Variants in LHFPL6 observed in about 807,000 individuals in gnomAD.
The protein encoded by LHFPL6 is LHFPL tetraspan subfamily member 6 protein.
In LHFPL6, 9 loss-of-function variants were observed where a neutral mutation model predicts 20.6. The ratio of observed to expected loss-of-function variants is 0.44; its 90% CI spans 0.26 to 0.76. The LOEUF (loss-of-function observed/expected upper bound fraction) is 0.76. Among genes scored for constraint, LHFPL6 ranks in the 30% least tolerant of loss-of-function variants. The pLI is 0.20. For synonymous variants in LHFPL6, 105 were observed against 98.7 expected (o/e 1.06, Z -0.38); for missense variants, 218 against 253.5 (o/e 0.86, Z 0.95).
intron 2 of LHFPL6, among the ~76,000 whole-genome samples, chr13:39,555,715 A>G (rs1871284504): frequency 6.6e-6 from 1 of 152,268 alleles, no homozygotes; most frequent in Admixed American, 6.5e-5. Context: ...AGAAGCCAAC[A>G]TAATTTTGAA....
At chr13:39,407,562 G>C (rs527573510) in intron 2 of LHFPL6, among the ~76,000 whole-genome samples, 4 of 152,136 alleles carry the variant, frequency 2.6e-5, no homozygotes, top group African/African-American at 9.7e-5. Flanking sequence ...CTTGCTATTT[G>C]CTAAGGAAAA....
intron 2 of LHFPL6, among the ~76,000 whole-genome samples, chr13:39,535,101 G>T (rs1870575749): frequency 1.3e-5 from 2 of 152,154 alleles, no homozygotes; most frequent in African/African-American, 4.8e-5. Flanking sequence ...CTGTTTTCAT[G>T]CAGCATTTTC....
At chr13:39,510,463 T>A (rs1869654001) in intron 2 of LHFPL6, among the ~76,000 whole-genome samples, 1 of 152,208 alleles carries the variant, frequency 6.6e-6, no homozygotes, top group Admixed American at 6.5e-5. Flanking sequence ...AAACTGAAAG[T>A]CCAGAACCAA....
intron 2 of LHFPL6, among the ~76,000 whole-genome samples, chr13:39,500,456 T>G (rs1420082179): frequency 6.6e-6 from 1 of 152,156 alleles, no homozygotes. Context: ...TCTCTCTATG[T>G]GGCCCAGACT....
intron 3 of LHFPL6, among the ~76,000 whole-genome samples, chr13:39,369,613 C>CCTTCCTT (rs1566095707): frequency 4.9e-4 from 3 of 6,182 alleles, no homozygotes; most frequent in Non-Finnish European, 1.3e-3. Flanking sequence ...CTCTCTCCCT[C>CCTTCCTT]CCTTCCTTCC....
intron 2 of LHFPL6, among the ~76,000 whole-genome samples, chr13:39,406,453 CTT>C (rs1181269728): frequency 3.3e-5 from 5 of 152,028 alleles, no homozygotes; most frequent in Admixed American, 1.3e-4. Flanking sequence ...AAATTTTAAA[CTT>C]ATATTTATAA....
At chr13:39,479,728 G>C (rs1251151946) in intron 2 of LHFPL6, among the ~76,000 whole-genome samples, 1 of 152,126 alleles carries the variant, frequency 6.6e-6, no homozygotes, top group Non-Finnish European at 1.5e-5. Flanking sequence ...AGACTAGAAA[G>C]GGAGCTAGAC....
chr13:39,547,048 C>G (rs1227368425), intron 2 of LHFPL6, among the ~76,000 whole-genome samples: 1 of 152,064 alleles, frequency 6.6e-6, no homozygotes, highest in Non-Finnish European at 1.5e-5. Context: ...TCTGCCCTAA[C>G]AGCATGAAGC....
At chr13:39,547,885 T>C (rs1177467923) in intron 2 of LHFPL6, among the ~76,000 whole-genome samples, 1 of 152,092 alleles carries the variant, frequency 6.6e-6, no homozygotes, top group African/African-American at 2.4e-5. Flanking sequence ...GGAGCTGAAA[T>C]GCCCCAAAGT....
intron 2 of LHFPL6, among the ~76,000 whole-genome samples, chr13:39,430,328 A>G (rs1297759960): frequency 1.3e-5 from 2 of 152,230 alleles, no homozygotes; most frequent in South Asian, 2.1e-4. Context: ...GGGGGTATAA[A>G]TTATGACAAT....
intron 2 of LHFPL6, among the ~76,000 whole-genome samples, chr13:39,447,771 C>A (rs188906202): frequency 2.1e-3 from 324 of 152,232 alleles, no homozygotes; most frequent in African/African-American, 7.3e-3. Flanking sequence ...CCATCCCCGA[C>A]CTAGTATAGT....
At position 39,343,623 on chromosome 13, in the gene LHFPL6, G is replaced by GTGTGTA. The variant is rs1869309333; in HGVS notation, c.*312_*313insTACACA. 1 of 274,284 alleles carries GTGTGTA rather than the reference G, an allele frequency of 3.6e-6. No individual in the cohort carries two copies. Among genetic ancestry groups the GTGTGTA allele is most frequent in the Non-Finnish European group, 6.9e-6 (1 of 145,314 alleles). The allele number at this position is 274,284 out of a possible 1,614,324, so 17.0% of individuals were successfully genotyped here. On this transcript the variant is annotated 3_prime_UTR_variant, in exon 4 of 4. Coordinates refer to ENST00000379589, the MANE Select transcript of LHFPL6 (RefSeq NM_005780.3). ...ATTTGTTGTGTGTGTGTGTGTGTGT[G>GTGTGTA]TGTGTGTGTGTGTGTGTGTGTGTGT...
intron 2 of LHFPL6, among the ~76,000 whole-genome samples, chr13:39,574,571 C>T (rs7337970): frequency 0.077 from 11,723 of 151,698 alleles, 574 homozygotes; most frequent in East Asian, 0.21. Flanking sequence ...TTGGACTATT[C>T]ATTAATTGAT....
intron 2 of LHFPL6, among the ~76,000 whole-genome samples, chr13:39,540,110 T>C (rs1870750212): frequency 6.6e-6 from 1 of 152,102 alleles, no homozygotes; most frequent in Non-Finnish European, 1.5e-5. Context: ...TATAAATTCT[T>C]TGGAACTGAA....
intron 2 of LHFPL6, among the ~76,000 whole-genome samples, chr13:39,464,314 A>G (rs1385742829): frequency 6.6e-6 from 1 of 152,234 alleles, no homozygotes; most frequent in Non-Finnish European, 1.5e-5. Context: ...CAATAAATTG[A>G]GGTGCTGATG....
intron 3 of LHFPL6, among the ~76,000 whole-genome samples, chr13:39,350,537 T>C (rs73467371): frequency 0.09 from 13,670 of 152,270 alleles, 1,209 homozygotes; most frequent in African/African-American, 0.23. Flanking sequence ...CCTCCCTCTA[T>C]GCCTGTCATG....
chr13:39,556,025 A>C (rs1871293039), intron 2 of LHFPL6, among the ~76,000 whole-genome samples: 1 of 152,138 alleles, frequency 6.6e-6, no homozygotes, highest in African/African-American at 2.4e-5. Context: ...CACTCTTGCC[A>C]TGTGACACAC....
In LHFPL6 at chr13:39,534,162, G is replaced by T. The variant is rs568132235; in HGVS notation, c.385+66670C>A. ...AAACTAACCTTGAGGCAATTTGGCAGTATTTGGAACTACATATATAAATTT... is the reference window on the plus strand; with the variant it reads ...AAACTAACCTTGAGGCAATTTGGCATTATTTGGAACTACATATATAAATTT... On this transcript the variant is annotated intron_variant, in intron 2 of 3. Transcript: ENST00000379589. Among the ~76,000 whole-genome samples, 4 of 152,298 alleles carry T rather than the reference G, an allele frequency of 2.6e-5. No homozygotes were observed. In the South Asian group the frequency reaches 8.3e-4, roughly 32 times the overall value.
intron 2 of LHFPL6, among the ~76,000 whole-genome samples, chr13:39,442,541 A>ACTTCTT (rs1265545089): frequency 1.3e-5 from 2 of 152,222 alleles, no homozygotes; most frequent in African/African-American, 4.8e-5. Context: ...GCATGAAAGA[A>ACTTCTT]GAAGGCATAG....
Sources: gnomAD v4.1 joint callset for allele counts (sites outside exome capture counted in the v4.1 genomes callset) on GRCh38, gnomAD v4.1.1 for gene constraint, MANE v1.5 for transcripts, NCBI Gene and HGNC (gene_info 2026-07-23, HGNC 2026-07-21) for gene names.